The following TOP2A variants were observed in gnomAD, a reference collection of about 807,000 sequenced individuals.
TOP2A encodes DNA topoisomerase 2-alpha.
In TOP2A, 68 loss-of-function variants were observed where a neutral mutation model predicts 187.2. The observed-to-expected ratio is 0.36, with a 90% CI of 0.30 to 0.44. The LOEUF is 0.44. TOP2A is among the 20% of genes least tolerant of loss of function. The probability of loss-of-function intolerance (pLI) is 1.00; values close to 1 mark genes in which losing one functional copy is unlikely to be tolerated. For missense variants in TOP2A, 1,196 were observed against 1,808.7 expected (o/e 0.66, Z 6.14); for synonymous variants, 542 against 593.2 (o/e 0.91, Z 1.25).
chr17:40,397,457 T>C (rs996494372), intron 27 of TOP2A, among the ~76,000 whole-genome samples: 1 of 151,956 alleles, frequency 6.6e-6, no homozygotes, highest in Admixed American at 6.6e-5. Context: ...AACTAATTTT[T>C]GTATTTTTAG....
Position 40,401,062 on chromosome 17 carries a change from A to C in TOP2A, c.2452T>G (p.Phe818Val). 1 of 1,613,458 alleles carries C rather than the reference A, an allele frequency of 6.2e-7. No individual in the cohort carries two copies. Among genetic ancestry groups the C allele is most frequent in the Non-Finnish European group, 8.5e-7 (1 of 1,179,656 alleles). Residue 818 changes from phenylalanine (F) to valine (V), a missense_variant, in exon 21 of 35, where the codon TTT becomes GTT. Coordinates refer to ENST00000423485, the MANE Select transcript of TOP2A (RefSeq NM_001067.4). The part of the protein sequence containing the change: ...TMLSSLARLL[F>V]PPKDDHTLKF... ...AACGTGTGATCATCTTTTGGTGGAA[A>C]TAACAATCGAGCCAAAGAGCTAAAG...
Position 40,390,227 on chromosome 17 carries a change from C to A in TOP2A, c.4268-63G>T, listed in dbSNP as rs147349486. The A allele has an allele frequency of 2.9e-3, 4,162 of 1,458,918 alleles. 5 individuals are homozygous for A. Among genetic ancestry groups the A allele is most frequent in the Non-Finnish European group, 3.5e-3 (3,777 of 1,083,834 alleles). The allele number at this position is 1,458,918 out of a possible 1,614,324, so 90.4% of individuals were successfully genotyped here. A position where few individuals can be genotyped will look rare whatever the true frequency, so the allele number is the denominator to read the frequency against. On this transcript the variant is annotated intron_variant, in intron 33 of 34. Coordinates refer to ENST00000423485, the MANE Select transcript of TOP2A (RefSeq NM_001067.4). ...TTTTTGAGATGGGGTCTCACTCTAT[C>A]GTCCAGGCTGGAGTGCAGTGGTGTT...
At position 40,392,581 on chromosome 17, in the gene TOP2A, T is replaced by C. The variant is rs764301006; in HGVS notation, c.3964+4A>G. 2.7e-5 allele frequency: 43 copies of C among 1,605,658 alleles called. No individual in the cohort carries two copies. Among genetic ancestry groups the C allele is most frequent in the Non-Finnish European group, 3.3e-5 (39 of 1,177,752 alleles). On this transcript the variant is annotated splice_donor_region_variant and intron_variant, in intron 30 of 34. Transcript: ENST00000423485. ...TATCTATAATGTTCTTTAGTTTTCC[T>C]TACTTGCTGCTCTCCGTGGCTCTGT...
chr17:40,406,375 C>A lies in TOP2A; in HGVS notation c.1953+9G>T, dbSNP rs202093409. 2.5e-6 allele frequency: 4 copies of A among 1,600,640 alleles called. No individual in the cohort carries two copies. The East Asian group carries it at 8.9e-5, about 36-fold the overall frequency. On this transcript the variant is annotated intron_variant, in intron 16 of 34. Coordinates refer to ENST00000423485, the MANE Select transcript of TOP2A (RefSeq NM_001067.4). ...ATTAGAATGTATATAAAATACAACT[C>A]AAACCTACCAGGCTGATAGCAGCAT...
chr17:40,412,308 T>C (rs976105388), intron 7 of TOP2A, among the ~76,000 whole-genome samples: 4 of 152,370 alleles, frequency 2.6e-5, no homozygotes, highest in Non-Finnish European at 4.4e-5. Context: ...AAATGTGGCA[T>C]ACCATTCTCT....
Position 40,411,702 on chromosome 17 carries a change from A to C in TOP2A, c.906T>G (p.Thr302=). The change falls in exon 8 of 35, where the codon ACT becomes ACG. Residue 302 remains threonine, a synonymous_variant. Coordinates refer to ENST00000423485, the MANE Select transcript of TOP2A (RefSeq NM_001067.4). The surrounding 1 kb of genome is among the most constrained non-coding windows in gnomAD (Gnocchi z 4.4). ...TTTGCTGAAAGCCTTTTTCACTCAT[A>C]GTTAAACACACTTCCCACCTGTGGT... ...QVNHRWEVCL[T]MSEKGFQQIS... The C allele has an allele frequency of 2.5e-6, 4 of 1,612,964 alleles. No individual in the cohort carries two copies. The highest frequency in any genetic ancestry group is 3.4e-6 in the Non-Finnish European group (4 of 1,179,576).
chr17:40,397,432 G>A (rs2035115120), intron 27 of TOP2A, among the ~76,000 whole-genome samples: 1 of 151,380 alleles, frequency 6.6e-6, no homozygotes, highest in African/African-American at 2.4e-5. Flanking sequence ...ATTACAGGCG[G>A]ATGCCACCAC....
intron 17 of TOP2A, 103 bp downstream of exon 17, chr17:40,404,688 T>G: frequency 1.2e-6 from 1 of 860,850 alleles, no homozygotes; most frequent in Non-Finnish European, 1.8e-6. Context: ...TCATATCAAA[T>G]TTTTTACTAA....
At chr17:40,399,833 C>T in intron 24 of TOP2A, 39 bp downstream of exon 24, 2 of 1,525,094 alleles carry the variant, frequency 1.3e-6, no homozygotes, top group South Asian at 1.3e-5. Flanking sequence ...TTTGGCGTAA[C>T]TAGAGTTTTA....
At chr17:40,405,599 C>A (rs933070680) in intron 16 of TOP2A, among the ~76,000 whole-genome samples, 1 of 151,062 alleles carries the variant, frequency 6.6e-6, no homozygotes, top group Non-Finnish European at 1.5e-5. Context: ...GGATTACAGG[C>A]GCGTGTCACC....
chr17:40,396,318 C>A lies in TOP2A; in HGVS notation c.3685G>T (p.Ala1229Ser). ...VIPRITIEMKAEAEKKNKKKI... is the reference protein window; with the variant it reads ...VIPRITIEMKSEAEKKNKKKI... The stretch of plus-strand genomic sequence containing the variant: ...TTTTTATTTTTCTTTTCTGCCTCTG[C>A]TTTCATTTCTATGGTTATTCGTGGA... The change falls in exon 28 of 35, where the codon GCA becomes TCA. Residue 1229 changes from alanine to serine, a missense_variant. Coordinates refer to ENST00000423485, the MANE Select transcript of TOP2A (RefSeq NM_001067.4). The A allele has an allele frequency of 6.2e-7, 1 of 1,608,964 alleles. No homozygotes were observed. Among genetic ancestry groups the A allele is most frequent in the Non-Finnish European group, 8.5e-7 (1 of 1,175,600 alleles).
At position 40,399,859 on chromosome 17, in the gene TOP2A, T is replaced by C; in HGVS notation, c.3196+13A>G. On this transcript the variant is annotated intron_variant, in intron 24 of 34. Coordinates refer to ENST00000423485, the MANE Select transcript of TOP2A (RefSeq NM_001067.4). ...TAGAGTTTTAGTAAGCAGTTATTAT[T>C]CCCAAAACATACCAATGATTATTTT... is the stretch of plus-strand genomic sequence containing the variant. The C allele has an allele frequency of 6.3e-7, 1 of 1,583,644 alleles. No homozygotes were observed. The highest frequency in any genetic ancestry group is 8.6e-7 in the Non-Finnish European group (1 of 1,168,296).
intron 29 of TOP2A, among the ~76,000 whole-genome samples, chr17:40,394,052 C>G (rs931475972): frequency 8.3e-6 from 1 of 119,992 alleles, no homozygotes; most frequent in African/African-American, 3.4e-5. Flanking sequence ...GGCGACAGAG[C>G]GAAACTCTGC....
At chr17:40,407,376 A>C (rs2035262376) in intron 13 of TOP2A, among the ~76,000 whole-genome samples, 173 bp downstream of exon 13, 1 of 152,214 alleles carries the variant, frequency 6.6e-6, no homozygotes, top group African/African-American at 2.4e-5. Flanking sequence ...AGACTCACTT[A>C]ACCTGTATTT....
rs1281883483 is a variant in TOP2A at position 40,416,425 on chromosome 17, G to A, written c.265C>T (p.Leu89=). 3 of 1,571,970 alleles carry A rather than the reference G, an allele frequency of 1.9e-6. No individual in the cohort carries two copies. Among genetic ancestry groups the A allele is most frequent in the Admixed American group, 1.8e-5 (1 of 56,300 alleles). The change falls in exon 3 of 35, where the codon CTA becomes TTA. Residue 89 remains leucine, a synonymous_variant. Coordinates refer to ENST00000423485, the MANE Select transcript of TOP2A (RefSeq NM_001067.4). ...PGLYKIFDEI[L]VNAADNKQRD... ...TTATATTAAAGGATTTACTCACCTA[G>A]AATCTCATCAAAGATTTTGTACAAA...
Position 40,413,559 on chromosome 17 carries a change from T to C in TOP2A, c.399A>G (p.Glu133=), listed in dbSNP as rs1179798805. The part of the protein sequence containing the change: ...KGIPVVEHKV[E]KMYVPALIFG... ...ATATGAGAGCTGGGACATACATCTT[T>C]TCAACTTTGTGTTCAACAACAGGAA... The change falls in exon 5 of 35, where the codon GAA becomes GAG. Residue 133 remains glutamate (E), a synonymous_variant. Coordinates refer to ENST00000423485, the MANE Select transcript of TOP2A (RefSeq NM_001067.4). 5 of 1,525,888 alleles carry C rather than the reference T, an allele frequency of 3.3e-6. No individual in the cohort carries two copies. The Middle Eastern group carries it at 8.4e-4, about 257-fold the overall frequency. The allele number at this position is 1,525,888 out of a possible 1,614,324, so 94.5% of individuals were successfully genotyped here.
In TOP2A at chr17:40,413,273, TC is replaced by T; in HGVS notation, c.497del (p.Gly166GlufsTer73). The T allele has an allele frequency of 6.4e-7, 1 of 1,562,410 alleles. No homozygotes were observed. The highest frequency in any genetic ancestry group is 1.9e-5 in the Admixed American group (1 of 52,660). The part of the protein sequence containing the change: ...KKVTGGRNGY[G>X]AKLCNIFSTK... ...TACTGAATATGTTACACAATTTGGC[TC>T]CATAGCCATTTCGACCACCTGGGCA... On this transcript the variant is annotated frameshift_variant, in exon 6 of 35. Coordinates refer to ENST00000423485, the MANE Select transcript of TOP2A (RefSeq NM_001067.4). LOFTEE classifies it high-confidence loss of function.
chr17:40,408,766 T>C (rs1180606386), intron 10 of TOP2A, 136 bp from the exon 11 acceptor site: 3 of 969,804 alleles, frequency 3.1e-6, no homozygotes, highest in Non-Finnish European at 3.2e-6. Context: ...AATTTCTGGA[T>C]AGAGGGTGGC....
At chr17:40,412,612 C>G in intron 7 of TOP2A, 147 bp downstream of exon 7, 3 of 690,228 alleles carry the variant, frequency 4.3e-6, no homozygotes, top group South Asian at 1.9e-5. Context: ...CCACTGCACT[C>G]CAGCCCGGGC....
Sources: gnomAD v4.1 joint callset for allele counts (sites outside exome capture counted in the v4.1 genomes callset) on GRCh38, gnomAD v4.1.1 for gene constraint, Gnocchi (gnomAD v3.1) non-coding constraint, MANE v1.5 for transcripts, NCBI Gene and HGNC (gene_info 2026-07-23, HGNC 2026-07-21) for gene names.